Variants in NTRK3 observed in about 807,000 individuals in gnomAD.
NTRK3 encodes the protein NT-3 growth factor receptor.
Under a neutral mutation model 91.7 loss-of-function variants are expected in NTRK3, and 24 were observed. That is an observed-to-expected ratio of 0.26 (90% CI 0.19 to 0.37). NTRK3 has a LOEUF of 0.37. Among genes scored for constraint, NTRK3 ranks in the 10% least tolerant of loss-of-function variants. The pLI is 1.00. For missense variants in NTRK3, 880 were observed against 1,068.9 expected, an observed-to-expected ratio of 0.82 and a Z score of 2.46; for synonymous variants, 483 against 404.0, an observed-to-expected ratio of 1.20 and a Z score of -2.34.
At chr15:88,162,890 T>G (rs2044596657) in intron 5 of NTRK3, among the ~76,000 whole-genome samples, 1 of 152,182 alleles carries the variant, frequency 6.6e-6, no homozygotes, top group Non-Finnish European at 1.5e-5. Flanking sequence ...CTAGACCTTC[T>G]AGGTCTGTAC....
intron 13 of NTRK3, among the ~76,000 whole-genome samples, chr15:88,105,094 A>C (rs1475685384): frequency 2.0e-5 from 3 of 152,210 alleles, no homozygotes; most frequent in Non-Finnish European, 2.9e-5. Context: ...TCATCTTCCC[A>C]AATGACTAGA....
intron 17 of NTRK3, among the ~76,000 whole-genome samples, chr15:87,895,509 A>T (rs2066066841): frequency 6.6e-6 from 1 of 152,220 alleles, no homozygotes; most frequent in South Asian, 2.1e-4. Context: ...ACAAGGAAAA[A>T]AATCAAAATG....
intron 13 of NTRK3, among the ~76,000 whole-genome samples, chr15:88,054,486 G>A (rs1020131199): frequency 6.6e-6 from 1 of 152,192 alleles, no homozygotes; most frequent in African/African-American, 2.4e-5. Flanking sequence ...CTCCTTTATA[G>A]TAGAGACATC....
exon 19 of NTRK3, chr15:87,875,197 C>G (rs1016774913): frequency 1.7e-5 from 4 of 230,712 alleles, no homozygotes; most frequent in Middle Eastern, 1.3e-3. Context: ...CAGAGGCCCC[C>G]GGGAGGTGAG....
At chr15:88,097,555 C>T (rs1276882779) in intron 13 of NTRK3, among the ~76,000 whole-genome samples, 1 of 152,184 alleles carries the variant, frequency 6.6e-6, no homozygotes, top group Non-Finnish European at 1.5e-5. Context: ...CACCAGGAAT[C>T]TAAGGTATAG....
chr15:88,075,364 G>A (rs1303671968), intron 13 of NTRK3, among the ~76,000 whole-genome samples: 1 of 152,220 alleles, frequency 6.6e-6, no homozygotes, highest in Non-Finnish European at 1.5e-5. Flanking sequence ...CAGTATGACT[G>A]TCAATAAAAA....
At chr15:88,238,031 G>A (rs566264761) in intron 3 of NTRK3, among the ~76,000 whole-genome samples, 1 of 152,252 alleles carries the variant, frequency 6.6e-6, no homozygotes, top group South Asian at 2.1e-4. Context: ...AATGACTGGT[G>A]TCCTTATAAG....
intron 17 of NTRK3, among the ~76,000 whole-genome samples, chr15:87,915,999 T>C (rs1227417232): frequency 6.6e-6 from 1 of 152,194 alleles, no homozygotes; most frequent in East Asian, 1.9e-4. Context: ...AACTTTGCTC[T>C]TTGGGATTAG....
chr15:87,922,183 G>A (rs1567110594), intron 17 of NTRK3, among the ~76,000 whole-genome samples: 1 of 152,166 alleles, frequency 6.6e-6, no homozygotes, highest in Non-Finnish European at 1.5e-5. Flanking sequence ...ACAGACCACT[G>A]GCTCTCTTCA....
chr15:88,033,125 A>C lies in NTRK3; in HGVS notation c.1397-80T>G, dbSNP rs532239981. 2.0e-5 allele frequency: 26 copies of C among 1,283,726 alleles called. No homozygotes were observed. In the African/African-American group the frequency reaches 3.8e-4, roughly 19 times the overall value. The allele number at this position is 1,283,726 out of a possible 1,614,324, so 79.5% of individuals were successfully genotyped here. A position where few individuals can be genotyped will look rare whatever the true frequency, so the allele number is the denominator to read the frequency against. ...CAGCCCTGTCCACAGACAACCCCCA[A>C]CTACTGTTCCCATCACAAACATTTT... On this transcript the variant is annotated intron_variant, in intron 13 of 18. Coordinates refer to ENST00000394480, the Ensembl canonical transcript of NTRK3.
intron 14 of NTRK3, chr15:87,979,058 C>G: frequency 1.9e-6 from 1 of 514,658 alleles, no homozygotes; most frequent in South Asian, 2.5e-5. Context: ...TCCTGGTGCA[C>G]AGGTTTTTAA....
chr15:87,878,435 C>A (rs1197974424), intron 18 of NTRK3, among the ~76,000 whole-genome samples: 1 of 152,182 alleles, frequency 6.6e-6, no homozygotes, highest in Non-Finnish European at 1.5e-5. Context: ...TTTACGATGG[C>A]CCCTTGGCTC....
At chr15:88,002,168 G>GTTTTTTT (rs770668339) in intron 14 of NTRK3, among the ~76,000 whole-genome samples, 708 of 70,184 alleles carry the variant, frequency 0.01, 71 homozygotes, top group African/African-American at 0.039. Flanking sequence ...GATAGTGGTT[G>GTTTTTTT]TTTTTTTTTT....
chr15:87,934,277 G>A (rs1221867019), intron 15 of NTRK3, among the ~76,000 whole-genome samples: 1 of 152,186 alleles, frequency 6.6e-6, no homozygotes, highest in Non-Finnish European at 1.5e-5. Flanking sequence ...GCCCAACATT[G>A]AGTTGTTTCA....
chr15:88,141,581 T>A (rs2042391796), intron 6 of NTRK3, among the ~76,000 whole-genome samples: 1 of 152,210 alleles, frequency 6.6e-6, no homozygotes, highest in Non-Finnish European at 1.5e-5. Flanking sequence ...AGTCATTCAT[T>A]ATTAAGTAGG....
intron 8 of NTRK3, 109 bp from the exon 9 acceptor site, chr15:88,136,149 G>A (rs941147217): frequency 2.3e-4 from 326 of 1,395,474 alleles, no homozygotes; most frequent in Non-Finnish European, 3.0e-4. Context: ...AGCGGAAGGC[G>A]AAGGAGATCT....
intron 17 of NTRK3, chr15:87,908,416 C>G (rs907566990): frequency 2.5e-6 from 1 of 399,046 alleles, no homozygotes; most frequent in East Asian, 3.6e-5. Flanking sequence ...CTCTCCAAAG[C>G]CTGCAAGCTG....
chr15:87,932,968 G>T (rs114678588), intron 16 of NTRK3, 44 bp downstream of exon 16: 1 of 1,606,044 alleles, frequency 6.2e-7, no homozygotes, highest in Non-Finnish European at 8.5e-7. Flanking sequence ...CCAAGGGTTC[G>T]GTGGGACTGG....
intron 3 of NTRK3, among the ~76,000 whole-genome samples, chr15:88,206,381 G>A (rs1597949665): frequency 7.0e-6 from 1 of 143,478 alleles, no homozygotes; most frequent in African/African-American, 2.6e-5. Context: ...AAAACAGGCC[G>A]GGCGCGGTGG....
Sources: allele counts gnomAD v4.1 joint callset (sites outside exome capture counted in the v4.1 genomes callset), GRCh38; gene constraint gnomAD v4.1.1; transcripts MANE v1.5; gene names NCBI Gene and HGNC (gene_info 2026-07-23, HGNC 2026-07-21).